The following FAM118A variants were observed in gnomAD, a reference collection of about 807,000 sequenced individuals.
FAM118A encodes SIR2 antiphage like 2, also known as protein FAM118A.
A neutral mutation model predicts 38.2 loss-of-function variants in FAM118A; 25 were observed. The observed-to-expected ratio is 0.65, with a 90% CI of 0.48 to 0.91. The LOEUF is 0.91. Ranked by LOEUF, FAM118A falls within the 40% of genes least tolerant of loss-of-function variation. The pLI is 0.00. For missense variants in FAM118A, 425 were observed against 463.3 expected, an observed-to-expected ratio of 0.92 and a Z score of 0.76; for synonymous variants, 178 against 184.1, an observed-to-expected ratio of 0.97 and a Z score of 0.27.
At chr22:45,330,458 G>T in intron 4 of FAM118A, 145 bp from the exon 5 acceptor site, 1 of 893,358 alleles carries the variant, frequency 1.1e-6, no homozygotes, top group Non-Finnish European at 1.6e-6. Context: ...CTTAGGTTTT[G>T]AAGGTATAAG....
chr22:45,340,527 A>C lies in FAM118A; in HGVS notation c.*122A>C. Reference sequence around the variant, plus strand: ...GATTGCGAAACCGTCACATACACCAAGAGAGCCACATGGGCATGTGGCCCT... The same window carrying C: ...GATTGCGAAACCGTCACATACACCACGAGAGCCACATGGGCATGTGGCCCT... On this transcript the variant is annotated 3_prime_UTR_variant, in exon 9 of 9. Transcript: ENST00000441876. 8.5e-7 allele frequency: 1 copy of C among 1,183,400 alleles called. No homozygotes were observed. The highest frequency in any genetic ancestry group is 1.2e-5 in the South Asian group (1 of 81,002). 73.3% of individuals were successfully genotyped at this position (1,183,400 alleles called of 1,614,324 possible). A position where few individuals can be genotyped will look rare whatever the true frequency, so the allele number is the denominator to read the frequency against.
At chr22:45,311,320 G>A (rs185554320) in intron 1 of FAM118A, among the ~76,000 whole-genome samples, 40 of 152,308 alleles carry the variant, frequency 2.6e-4, no homozygotes, top group Non-Finnish European at 2.1e-4. Context: ...TGAAGGTGGC[G>A]TGGGAGTGAA....
At chr22:45,316,231 G>C (rs970107738) in intron 1 of FAM118A, among the ~76,000 whole-genome samples, 1 of 152,074 alleles carries the variant, frequency 6.6e-6, no homozygotes, top group Non-Finnish European at 1.5e-5. Flanking sequence ...TTAGAGACAC[G>C]GTTTCACCAT....
intron 1 of FAM118A, among the ~76,000 whole-genome samples, chr22:45,311,856 C>G (rs226507): frequency 0.43 from 65,407 of 151,878 alleles, 17,523 homozygotes; most frequent in Non-Finnish European, 0.61. Flanking sequence ...CCGCTCTTTC[C>G]TGTCTGAGCC....
chr22:45,324,678 G>A lies in FAM118A; in HGVS notation c.300+1251G>A, dbSNP rs964560747. ...ACACCCATTCATTTACGTATAGTAC[G>A]TGGCTGCTTTCATGCCTCCAGGCCC... On this transcript the variant is annotated intron_variant, in intron 3 of 8. Transcript: ENST00000441876. Among the ~76,000 whole-genome samples the A allele has an allele frequency of 3.9e-5, 6 of 152,318 alleles. No homozygotes were observed. The East Asian group carries it at 5.8e-4, about 15-fold the overall frequency.
At chr22:45,330,549 CTGTT>C (rs1439181310) in intron 4 of FAM118A, 50 bp from the exon 5 acceptor site, 10 of 1,460,582 alleles carry the variant, frequency 6.8e-6, no homozygotes, top group East Asian at 4.9e-5. Context: ...TTTCTTCTCT[CTGTT>C]TGAAACAGTT....
intron 1 of FAM118A, among the ~76,000 whole-genome samples, chr22:45,310,530 T>C (rs1016309283): frequency 6.6e-6 from 1 of 152,002 alleles, no homozygotes; most frequent in African/African-American, 2.4e-5. Flanking sequence ...GGAGCCGTGG[T>C]TCCCAGTGTC....
At chr22:45,326,591 C>T (rs947825599) in intron 3 of FAM118A, among the ~76,000 whole-genome samples, 2 of 152,120 alleles carry the variant, frequency 1.3e-5, no homozygotes, top group African/African-American at 4.8e-5. Flanking sequence ...CTTTGGGAGG[C>T]TGAGGCAGGT....
At chr22:45,320,279 T>C (rs2084795900) in intron 1 of FAM118A, among the ~76,000 whole-genome samples, 1 of 152,092 alleles carries the variant, frequency 6.6e-6, no homozygotes, top group African/African-American at 2.4e-5. Context: ...CTGGCTAACA[T>C]GGTGAAATCC....
rs576889047 is a variant in FAM118A at position 45,331,087 on chromosome 22, T to G, written c.651+356T>G. On this transcript the variant is annotated intron_variant, in intron 5 of 8. Transcript: ENST00000441876. ...TCCTCAGCATGACATATAGGCCCCG[T>G]GCAGTCTAGAATGTTGTCCTTGTTC... is the stretch of plus-strand genomic sequence containing the variant. Among the ~76,000 whole-genome samples, 3 of 152,340 alleles carry G rather than the reference T, an allele frequency of 2.0e-5. No homozygotes were observed. In the East Asian group the frequency reaches 5.8e-4, roughly 29 times the overall value.
chr22:45,323,115 T>A (rs1218382750), intron 2 of FAM118A, 60 bp from the exon 3 acceptor site: 3 of 1,589,362 alleles, frequency 1.9e-6, no homozygotes, highest in Non-Finnish European at 2.6e-6. Context: ...AGTTCCAGAC[T>A]TTGTGTTTGC....
intron 3 of FAM118A, among the ~76,000 whole-genome samples, chr22:45,327,372 A>T (rs6006986): frequency 0.88 from 134,315 of 151,838 alleles, 59,486 homozygotes; most frequent in African/African-American, 0.92. Flanking sequence ...GAGTCTTTAC[A>T]GTGGTCCTCA....
intron 3 of FAM118A, among the ~76,000 whole-genome samples, chr22:45,325,771 G>C (rs2085217479): frequency 6.6e-6 from 1 of 152,152 alleles, no homozygotes; most frequent in African/African-American, 2.4e-5. Context: ...CATCCAAGCG[G>C]ACATGAGAAT....
chr22:45,333,887 T>C (rs1022260068), intron 6 of FAM118A, among the ~76,000 whole-genome samples: 1 of 152,256 alleles, frequency 6.6e-6, no homozygotes. Context: ...TGTGCACACA[T>C]GTATAGCTGG....
At chr22:45,322,268 G>A in intron 1 of FAM118A, 103 bp from the exon 2 acceptor site, 1 of 1,577,760 alleles carries the variant, frequency 6.3e-7, no homozygotes, top group Non-Finnish European at 8.6e-7. Flanking sequence ...AGTAAAGATT[G>A]AGGACCTTTG....
chr22:45,327,167 G>A (rs903377533), intron 3 of FAM118A, among the ~76,000 whole-genome samples: 1 of 152,034 alleles, frequency 6.6e-6, no homozygotes, highest in South Asian at 2.1e-4. Flanking sequence ...TTGGGCCCAG[G>A]AGTTGGAGGC....
intron 1 of FAM118A, among the ~76,000 whole-genome samples, chr22:45,317,882 C>T (rs2084676298): frequency 6.6e-6 from 1 of 152,148 alleles, no homozygotes; most frequent in Non-Finnish European, 1.5e-5. Context: ...ACTTGCTTCC[C>T]GTTATCCCAT....
intron 3 of FAM118A, 63 bp from the exon 4 acceptor site, chr22:45,327,779 C>T: frequency 1.3e-6 from 2 of 1,547,164 alleles, no homozygotes; most frequent in South Asian, 2.3e-5. Context: ...AAATGGCCTG[C>T]TTAGGTGCTC....
chr22:45,317,284 CAGG>C (rs1787507748), intron 1 of FAM118A, among the ~76,000 whole-genome samples: 1 of 152,174 alleles, frequency 6.6e-6, no homozygotes, highest in South Asian at 2.1e-4. Flanking sequence ...AAGGCTGAGG[CAGG>C]AGAATTGCTT....
Sources: allele counts gnomAD v4.1 joint callset (sites outside exome capture counted in the v4.1 genomes callset), GRCh38; gene constraint gnomAD v4.1.1; transcripts MANE v1.5; gene names NCBI Gene and HGNC (gene_info 2026-07-23, HGNC 2026-07-21).